The following TECPR2 variants were observed in gnomAD, a reference collection of about 807,000 sequenced individuals.
TECPR2 encodes tectonin beta-propeller repeat containing 2, also known as tectonin beta-propeller repeat-containing protein 2.
TECPR2 carries 65 observed loss-of-function variants against 138.1 expected under a neutral mutation model. The ratio of observed to expected loss-of-function variants is 0.47; its 90% CI spans 0.39 to 0.58. TECPR2 has a LOEUF of 0.58. Among genes scored for constraint, TECPR2 ranks in the 20% least tolerant of loss-of-function variants. TECPR2 has a pLI of 0.00. For synonymous variants in TECPR2, 746 were observed against 749.8 expected, an observed-to-expected ratio of 0.99 and a Z score of 0.08; for missense variants, 1,553 against 1,824.5, an observed-to-expected ratio of 0.85 and a Z score of 2.71.
chr14:102,429,852 T>C (rs1322607905), intron 7 of TECPR2, among the ~76,000 whole-genome samples: 2 of 152,228 alleles, frequency 1.3e-5, no homozygotes, highest in African/African-American at 4.8e-5. Flanking sequence ...GTGATGAAGA[T>C]GCTCCCATCT....
At chr14:102,461,322 T>C (rs1890405156) in intron 16 of TECPR2, among the ~76,000 whole-genome samples, 1 of 152,244 alleles carries the variant, frequency 6.6e-6, no homozygotes, top group Non-Finnish European at 1.5e-5. Flanking sequence ...CAGCATTTAA[T>C]GAAGAACTAT....
chr14:102,377,925 T>C (rs986502931), intron 2 of TECPR2, among the ~76,000 whole-genome samples: 17 of 152,230 alleles, frequency 1.1e-4, no homozygotes, highest in Non-Finnish European at 2.9e-5. Context: ...TTAGCTGAGC[T>C]GAGGTCTCTT....
chr14:102,393,205 T>C (rs1333368671), intron 2 of TECPR2, among the ~76,000 whole-genome samples: 1 of 152,174 alleles, frequency 6.6e-6, no homozygotes, highest in Non-Finnish European at 1.5e-5. Context: ...CCTGTGGATT[T>C]TCCATACTTT....
At position 102,502,213 on chromosome 14, in the gene TECPR2, CAGAG is replaced by C. The variant is rs1482510773; in HGVS notation, c.*3957_*3960del. On this transcript the variant is annotated 3_prime_UTR_variant, in exon 20 of 20. Transcript: ENST00000359520. ...ATGAAAGCGTGGTTCTGTAAGAAAT[CAGAG>C]GGAGAAAGGGAGAGAAGGGGGAGGG... is the stretch of plus-strand genomic sequence containing the variant. The C allele has an allele frequency of 1.3e-5, 2 of 152,364 alleles. No individual in the cohort carries two copies. The highest frequency in any genetic ancestry group is 2.9e-5 in the Non-Finnish European group (2 of 68,044). The allele number at this position is 152,364 out of a possible 1,614,324, so 9.4% of individuals were successfully genotyped here.
In TECPR2 at chr14:102,428,222, G is replaced by GT. The variant is rs565236204; in HGVS notation, c.952-6dup. On this transcript the variant is annotated intron_variant, in intron 6 of 19. Transcript: ENST00000359520. The stretch of plus-strand genomic sequence containing the variant: ...ACCGTTGTTTAGTTTTGTGTTTTTT[G>GT]TTTTTTTTTTTTTTTTTTTTTTGAC... The GT allele has an allele frequency of 0.093, 95,680 of 1,028,516 alleles. 404 individuals carry two copies. The highest frequency in any genetic ancestry group is 0.1 in the Non-Finnish European group (83,820 of 810,398). The allele number at this position is 1,028,516 out of a possible 1,614,324, so 63.7% of individuals were successfully genotyped here.
chr14:102,498,860 C>A lies in TECPR2; in HGVS notation c.*603C>A, dbSNP rs898194944. 1 of 653,100 alleles carries A rather than the reference C, an allele frequency of 1.5e-6. No homozygotes were observed. The highest frequency in any genetic ancestry group is 1.8e-5 in the African/African-American group (1 of 56,268). The allele number at this position is 653,100 out of a possible 1,614,324, so 40.5% of individuals were successfully genotyped here. On this transcript the variant is annotated 3_prime_UTR_variant, in exon 20 of 20. Transcript: ENST00000359520. ...AGGAGAGAACCCACGCACATGCACA[C>A]CACAACACACAACACACCTCACCTC...
chr14:102,375,200 GC>G (rs916919225), intron 1 of TECPR2, among the ~76,000 whole-genome samples: 1 of 152,090 alleles, frequency 6.6e-6, no homozygotes, highest in Non-Finnish European at 1.5e-5. Flanking sequence ...TTAAAAATTA[GC>G]CAGGCATGGT....
At chr14:102,462,959 A>T (rs966814660) in intron 16 of TECPR2, among the ~76,000 whole-genome samples, 2 of 152,212 alleles carry the variant, frequency 1.3e-5, no homozygotes, top group East Asian at 1.9e-4. Flanking sequence ...GATTCCCAGC[A>T]TCATTCCTTA....
intron 12 of TECPR2, among the ~76,000 whole-genome samples, chr14:102,444,790 A>G (rs1369382752): frequency 6.6e-6 from 1 of 152,146 alleles, no homozygotes; most frequent in Non-Finnish European, 1.5e-5. Flanking sequence ...TGACCAACAT[A>G]GTGAAATCCC....
rs1890236107 is a variant in TECPR2 at position 102,454,836 on chromosome 14, C to T, written c.3640+2209C>T. On this transcript the variant is annotated intron_variant, in intron 16 of 19. Transcript: ENST00000359520. Reference sequence around the variant, plus strand: ...GCAGAACTGCTTCCCTTGCACGTCCCCTTCCCAGCCCCTCCAGGAAGGCTG... The same window carrying T: ...GCAGAACTGCTTCCCTTGCACGTCCTCTTCCCAGCCCCTCCAGGAAGGCTG... Among the ~76,000 whole-genome samples the T allele has an allele frequency of 6.6e-5, 10 of 152,234 alleles. No homozygotes were observed. In the South Asian group the frequency reaches 2.1e-3, roughly 31 times the overall value.
In TECPR2 at chr14:102,437,532, C is replaced by A. The variant is rs185862743; in HGVS notation, c.2395-490C>A. Among the ~76,000 whole-genome samples the A allele has an allele frequency of 7.5e-4, 113 of 150,418 alleles. 4 individuals are homozygous for A. The East Asian group carries it at 0.018, about 24-fold the overall frequency. ...TTGTGCCCCTGTACTCCAGCCTGGG[C>A]GACAGAGCGAGTCTCTGTCTCAAAA... is the stretch of plus-strand genomic sequence containing the variant. On this transcript the variant is annotated intron_variant, in intron 9 of 19. Transcript: ENST00000359520.
chr14:102,391,215 G>A (rs1011017152), intron 2 of TECPR2, among the ~76,000 whole-genome samples: 4 of 151,992 alleles, frequency 2.6e-5, no homozygotes, highest in Non-Finnish European at 4.4e-5. Context: ...GCACCACCAC[G>A]CCCAACCAAT....
chr14:102,377,244 C>T (rs114418199), intron 2 of TECPR2, among the ~76,000 whole-genome samples: 426 of 152,320 alleles, frequency 2.8e-3, no homozygotes, highest in African/African-American at 9.9e-3. Context: ...TAGCCTCAAA[C>T]TCCTGGGGTC....
At chr14:102,408,737 AATTGTT>A in intron 4 of TECPR2, 118 bp downstream of exon 4, 1 of 1,116,954 alleles carries the variant, frequency 9.0e-7, no homozygotes, top group Non-Finnish European at 1.2e-6. Context: ...TTATAATCTC[AATTGTT>A]ATTTGTAACA....
At chr14:102,452,020 G>C (rs1372022674) in intron 15 of TECPR2, among the ~76,000 whole-genome samples, 2 of 152,052 alleles carry the variant, frequency 1.3e-5, no homozygotes, top group Non-Finnish European at 2.9e-5. Flanking sequence ...TTCTCCTCTT[G>C]GTAAAATTAA....
chr14:102,408,768 CTT>C, intron 4 of TECPR2, 149 bp downstream of exon 4: 1 of 952,712 alleles, frequency 1.0e-6, no homozygotes, highest in Non-Finnish European at 1.5e-6. Flanking sequence ...CTTTTATAGA[CTT>C]ATGTTTTATA....
intron 16 of TECPR2, among the ~76,000 whole-genome samples, chr14:102,461,840 T>TG (rs1386371869): frequency 3.9e-5 from 6 of 152,104 alleles, no homozygotes; most frequent in African/African-American, 1.4e-4. Context: ...ATGGAGTGCT[T>TG]GGGGAGGGCT....
At position 102,431,929 on chromosome 14, in the gene TECPR2, A is replaced by AAGGAGC. The variant is rs1353861309; in HGVS notation, c.1227_1232dup (p.Arg409_Ser410dup). On this transcript the variant is annotated inframe_insertion, in exon 8 of 20. Transcript: ENST00000359520. The stretch of plus-strand genomic sequence containing the variant: ...TGGCCAGCTCCGTGGCCAGCGAGCC[A>AAGGAGC]AGGAGCAGGAGCAGCTCGCTCAACT... The AAGGAGC allele has an allele frequency of 1.2e-6, 2 of 1,611,328 alleles. No individual in the cohort carries two copies. The highest frequency in any genetic ancestry group is 2.2e-5 in the East Asian group (1 of 44,810).
intron 17 of TECPR2, among the ~76,000 whole-genome samples, chr14:102,473,975 A>G (rs1890700584): frequency 6.6e-6 from 1 of 152,230 alleles, no homozygotes; most frequent in Admixed American, 6.5e-5. Context: ...AAATCCCACT[A>G]GGCTGGGTGC....
Sources: allele counts gnomAD v4.1 joint callset (sites outside exome capture counted in the v4.1 genomes callset), GRCh38; gene constraint gnomAD v4.1.1; transcripts MANE v1.5; gene names NCBI Gene and HGNC (gene_info 2026-07-23, HGNC 2026-07-21).